ZNF831: variants seen among roughly 807,000 people sequenced by gnomAD.
The protein encoded by ZNF831 is zinc finger protein 831.
A neutral mutation model predicts 95.8 loss-of-function variants in ZNF831; 59 were observed. The observed-to-expected ratio is 0.62, with a 90% CI of 0.50 to 0.77. The LOEUF is 0.77. Among genes scored for constraint, ZNF831 ranks in the 30% least tolerant of loss-of-function variants. The pLI is 0.00. For missense variants in ZNF831, 2,205 were observed against 2,164.0 expected (o/e 1.02, Z -0.38); for synonymous variants, 961 against 925.5 (o/e 1.04, Z -0.70).
chr20:59,190,891 TGGGTGATGAAG>T, intron 1 of ZNF831, 82 bp from the exon 2 acceptor site: 1 of 1,114,306 alleles, frequency 9.0e-7, no homozygotes, highest in African/African-American at 1.6e-5. Context: ...AGGCTTCCGT[TGGGTGATGAAG>T]TGCTTGGTGC....
chr20:59,174,829 A>G (rs1011478710), intron 1 of ZNF831, among the ~76,000 whole-genome samples: 1 of 152,190 alleles, frequency 6.6e-6, no homozygotes, highest in African/African-American at 2.4e-5. Context: ...TACTGTTTCC[A>G]TTGTTCTTTT....
Position 59,192,742 on chromosome 20 carries a change from A to C in ZNF831, c.1723A>C (p.Ile575Leu), listed in dbSNP as rs748829301. 1.9e-6 allele frequency: 3 copies of C among 1,611,004 alleles called. No individual in the cohort carries two copies. The highest frequency in any genetic ancestry group is 3.3e-5 in the Admixed American group (2 of 59,816). Reference sequence around the variant, plus strand: ...GGTGGAGGACCTGCCAGGCACCCCCATTGGCGATGCCCTGGTGCCCGCAGA... The same window carrying C: ...GGTGGAGGACCTGCCAGGCACCCCCCTTGGCGATGCCCTGGTGCCCGCAGA... Reference protein sequence around the residue: ...AAVEDLPGTPIGDALVPAEDT... With the variant: ...AAVEDLPGTPLGDALVPAEDT... The change falls in exon 2 of 6, where the codon ATT becomes CTT. Residue 575 changes from isoleucine (I) to leucine (L), a missense_variant. Ile to Leu is a conservative substitution (Grantham distance 5). Coordinates refer to ENST00000371030, the MANE Select transcript of ZNF831 (RefSeq NM_178457.3). The surrounding 1 kb of genome is among the most constrained non-coding windows in gnomAD (Gnocchi z 5.2).
chr20:59,196,459 G>A (rs1003964013), intron 3 of ZNF831, among the ~76,000 whole-genome samples: 1 of 151,944 alleles, frequency 6.6e-6, no homozygotes, highest in African/African-American at 2.4e-5. Flanking sequence ...TTTTCTTTGC[G>A]GTATGTGTTT....
intron 2 of ZNF831, among the ~76,000 whole-genome samples, chr20:59,147,622 T>C (rs1979945928): frequency 1.3e-5 from 2 of 152,208 alleles, no homozygotes; most frequent in African/African-American, 4.8e-5. Flanking sequence ...TGAGGGCAGC[T>C]CTCCTACCAC....
At chr20:59,197,494 G>T (rs1160560734) in intron 3 of ZNF831, among the ~76,000 whole-genome samples, 1 of 152,194 alleles carries the variant, frequency 6.6e-6, no homozygotes, top group African/African-American at 2.4e-5. Context: ...ACCCCAGCCT[G>T]TCCTGGGCAC....
chr20:59,164,587 C>T (rs1981106318), intron 1 of ZNF831, among the ~76,000 whole-genome samples: 1 of 151,942 alleles, frequency 6.6e-6, no homozygotes, highest in African/African-American at 2.4e-5. Context: ...TATATATACA[C>T]ATATATATGT....
chr20:59,173,622 GC>G (rs767153841), intron 1 of ZNF831, among the ~76,000 whole-genome samples: 7 of 152,306 alleles, frequency 4.6e-5, no homozygotes, highest in Middle Eastern at 3.4e-3. Flanking sequence ...TAATTGTGAT[GC>G]TTTTGTACCT....
At chr20:59,155,042 G>A (rs1980458968) in intron 2 of ZNF831, among the ~76,000 whole-genome samples, 1 of 152,230 alleles carries the variant, frequency 6.6e-6, no homozygotes, top group African/African-American at 2.4e-5. Context: ...AGCCGTGAAT[G>A]AAACTTGGGA....
intron 2 of ZNF831, among the ~76,000 whole-genome samples, chr20:59,149,387 T>C (rs578009752): frequency 6.6e-6 from 1 of 152,334 alleles, no homozygotes; most frequent in East Asian, 1.9e-4. Flanking sequence ...TTTGCTTATG[T>C]CTCTTTGTCT....
chr20:59,211,779 T>TGTGTGTGTGTGTGTGTGTG (rs1555831206), intron 4 of ZNF831, among the ~76,000 whole-genome samples: 1 of 146,694 alleles, frequency 6.8e-6, no homozygotes, highest in African/African-American at 2.5e-5. Context: ...GGAGCTGACC[T>TGTGTGTGTGTGTGTGTGTG]TGTGTGTGTG....
intron 4 of ZNF831, among the ~76,000 whole-genome samples, chr20:59,238,197 A>G (rs921258587): frequency 6.6e-6 from 1 of 151,806 alleles, no homozygotes; most frequent in Admixed American, 6.6e-5. Context: ...TTTCTTCTTA[A>G]TCCTGATCAG....
intron 2 of ZNF831, among the ~76,000 whole-genome samples, chr20:59,154,070 C>T (rs186830915): frequency 6.6e-6 from 1 of 152,168 alleles, no homozygotes; most frequent in Admixed American, 6.5e-5. Flanking sequence ...GTGCAGCTCT[C>T]ACTTTTGAAG....
At chr20:59,165,178 T>C (rs981919844) in intron 1 of ZNF831, among the ~76,000 whole-genome samples, 1 of 152,062 alleles carries the variant, frequency 6.6e-6, no homozygotes, top group African/African-American at 2.4e-5. Context: ...AGGAGTGCCA[T>C]GTGAGCAGGG....
intron 2 of ZNF831, chr20:59,195,646 T>G (rs1204459437): frequency 2.3e-6 from 1 of 440,136 alleles, no homozygotes; most frequent in Admixed American, 6.4e-5. Context: ...GCATAGGCTT[T>G]CCTCTGCGGA....
intron 4 of ZNF831, among the ~76,000 whole-genome samples, chr20:59,227,831 G>A (rs1398861624): frequency 6.6e-6 from 1 of 151,690 alleles, no homozygotes; most frequent in Admixed American, 6.6e-5. Flanking sequence ...AAATACAAGC[G>A]CCATAATGAT....
rs1218264165 is a variant in ZNF831, at chr20:59,257,076, C to T, written c.*2333C>T. The T allele has an allele frequency of 6.6e-6, 1 of 152,172 alleles. No individual in the cohort carries two copies. Among genetic ancestry groups the T allele is most frequent in the Non-Finnish European group, 1.5e-5 (1 of 68,064 alleles). 9.4% of individuals were successfully genotyped at this position (152,172 alleles called of 1,614,324 possible). ...GGCTGTAAATCAGTAAGTCATAGCT[C>T]CAAACAGCACCAACTTCAGGATGAT... On this transcript the variant is annotated 3_prime_UTR_variant, in exon 6 of 6. Coordinates refer to ENST00000371030, the MANE Select transcript of ZNF831 (RefSeq NM_178457.3).
At chr20:59,214,237 T>C (rs560403985) in intron 4 of ZNF831, among the ~76,000 whole-genome samples, 2 of 152,342 alleles carry the variant, frequency 1.3e-5, no homozygotes, top group East Asian at 3.9e-4. Context: ...GTGTGCCATT[T>C]GGTTTTAGCA....
chr20:59,237,900 T>G (rs1987092414), intron 4 of ZNF831, among the ~76,000 whole-genome samples: 1 of 152,202 alleles, frequency 6.6e-6, no homozygotes, highest in Non-Finnish European at 1.5e-5. Flanking sequence ...CCCTGCTTCC[T>G]CTTCCACCTC....
chr20:59,209,724 G>T (rs1240421946), intron 4 of ZNF831, among the ~76,000 whole-genome samples: 6 of 151,840 alleles, frequency 4.0e-5, no homozygotes, highest in African/African-American at 1.2e-4. Context: ...GGACTTTCTA[G>T]GGGTGATCCT....
Sources: gnomAD v4.1 joint callset for allele counts (sites outside exome capture counted in the v4.1 genomes callset) on GRCh38, gnomAD v4.1.1 for gene constraint, Gnocchi (gnomAD v3.1) non-coding constraint, MANE v1.5 for transcripts, NCBI Gene and HGNC (gene_info 2026-07-23, HGNC 2026-07-21) for gene names.